The following CLIC4 variants were observed in gnomAD, a reference collection of about 807,000 sequenced individuals.
CLIC4 encodes CLIC family member 4, also known as chloride intracellular channel protein 4.
A neutral mutation model predicts 24.6 loss-of-function variants in CLIC4; 13 were observed. The observed-to-expected ratio is 0.53, with a 90% CI of 0.34 to 0.84. CLIC4 has a LOEUF of 0.84. Among genes scored for constraint, CLIC4 ranks in the 40% least tolerant of loss-of-function variants. The probability of loss-of-function intolerance (pLI) is 0.01; values close to 1 mark genes in which losing one functional copy is unlikely to be tolerated. For missense variants in CLIC4, 227 were observed against 301.7 expected (o/e 0.75, Z 1.83); for synonymous variants, 104 against 111.3 (o/e 0.93, Z 0.41).
At chr1:24,758,026 T>C (rs1056260462) in intron 1 of CLIC4, among the ~76,000 whole-genome samples, 16 of 152,192 alleles carry the variant, frequency 1.1e-4, no homozygotes, top group African/African-American at 3.1e-4. Flanking sequence ...CTCAAAGTGC[T>C]GTGATTACAG....
chr1:24,785,978 G>GCAAC (rs1639263665), intron 1 of CLIC4, among the ~76,000 whole-genome samples: 1 of 151,488 alleles, frequency 6.6e-6, no homozygotes, highest in Non-Finnish European at 1.5e-5. Context: ...CTAAATCAAA[G>GCAAC]CAACCATTTT....
chr1:24,781,792 A>G (rs536956627), intron 1 of CLIC4, among the ~76,000 whole-genome samples: 10 of 151,892 alleles, frequency 6.6e-5, no homozygotes, highest in African/African-American at 2.2e-4. Context: ...CTGGGATTAC[A>G]GGTGCCCGCC....
In CLIC4 at chr1:24,843,688, T is replaced by C. The variant is rs2124183131; in HGVS notation, c.*2751T>C. 6.6e-6 allele frequency: 1 copy of C among 152,616 alleles called. No individual in the cohort carries two copies. The highest frequency in any genetic ancestry group is 1.5e-5 in the Non-Finnish European group (1 of 68,014). The allele number at this position is 152,616 out of a possible 1,614,324, so 9.5% of individuals were successfully genotyped here. A position where few individuals can be genotyped will look rare whatever the true frequency, so the allele number is the denominator to read the frequency against. ...TGGTAATTTTGGCTTTCACAATTTA[T>C]CTTTAAATCCTTGAGCAATCTGTAT... On this transcript the variant is annotated 3_prime_UTR_variant, in exon 6 of 6. Coordinates refer to ENST00000374379, the MANE Select transcript of CLIC4 (RefSeq NM_013943.3).
At chr1:24,825,775 A>G (rs1639781552) in intron 3 of CLIC4, among the ~76,000 whole-genome samples, 1 of 152,240 alleles carries the variant, frequency 6.6e-6, no homozygotes, top group Non-Finnish European at 1.5e-5. Flanking sequence ...ATAAAAGCTG[A>G]AACACAACTT....
At chr1:24,761,368 A>G (rs1638925774) in intron 1 of CLIC4, among the ~76,000 whole-genome samples, 2 of 152,220 alleles carry the variant, frequency 1.3e-5, no homozygotes. Context: ...AGGAAACCCA[A>G]TTTAGATGGA....
chr1:24,811,561 C>T (rs1052725506), intron 2 of CLIC4, among the ~76,000 whole-genome samples: 12 of 151,988 alleles, frequency 7.9e-5, no homozygotes, highest in East Asian at 7.7e-4. Flanking sequence ...CAGCCTCGAC[C>T]GCCTGGGCTC....
rs1296188585 is a variant in CLIC4, at chr1:24,822,580, G to A, written c.309-4430G>A. ...GCCAGGCTGGGACTTCAAGTGATCCGACCTCCTTGGCCTCCCAAAGTGCTG... is the reference window on the plus strand; with the variant it reads ...GCCAGGCTGGGACTTCAAGTGATCCAACCTCCTTGGCCTCCCAAAGTGCTG... On this transcript the variant is annotated intron_variant, in intron 3 of 5. Transcript: ENST00000374379. Among the ~76,000 whole-genome samples the A allele has an allele frequency of 5.3e-5, 8 of 151,984 alleles. No individual in the cohort carries two copies. In the East Asian group the frequency reaches 9.7e-4, roughly 18 times the overall value.
chr1:24,804,017 A>G (rs1411221740), intron 2 of CLIC4, among the ~76,000 whole-genome samples: 2 of 152,208 alleles, frequency 1.3e-5, no homozygotes, highest in South Asian at 2.1e-4. Flanking sequence ...CTGATTCCCA[A>G]ATAGACTCTT....
chr1:24,806,600 C>G (rs1217385038), intron 2 of CLIC4, among the ~76,000 whole-genome samples: 1 of 152,108 alleles, frequency 6.6e-6, no homozygotes, highest in Non-Finnish European at 1.5e-5. Context: ...ATCATATGTC[C>G]TTTAAACTTT....
intron 1 of CLIC4, among the ~76,000 whole-genome samples, chr1:24,756,250 C>T (rs1008861059): frequency 7.9e-5 from 12 of 152,142 alleles, no homozygotes; most frequent in Non-Finnish European, 1.6e-4. Flanking sequence ...CCGCCCGCCT[C>T]GGCCTCCCAA....
intron 2 of CLIC4, among the ~76,000 whole-genome samples, chr1:24,802,391 A>G (rs1639500931): frequency 6.6e-6 from 1 of 152,202 alleles, no homozygotes; most frequent in South Asian, 2.1e-4. Context: ...ATATATATAA[A>G]AAGTGGCGCA....
intron 1 of CLIC4, among the ~76,000 whole-genome samples, chr1:24,766,755 C>G (rs1028563689): frequency 4.0e-5 from 6 of 151,312 alleles, no homozygotes; most frequent in African/African-American, 1.2e-4. Context: ...ATCCGCCCAC[C>G]TTGCCCTCCT....
intron 1 of CLIC4, among the ~76,000 whole-genome samples, chr1:24,768,347 A>G (rs543425217): frequency 6.6e-6 from 1 of 152,296 alleles, no homozygotes; most frequent in Non-Finnish European, 1.5e-5. Flanking sequence ...AACAGGTCAT[A>G]TATTAACTAG....
intron 1 of CLIC4, among the ~76,000 whole-genome samples, chr1:24,762,684 C>G (rs1343214900): frequency 6.6e-6 from 1 of 151,970 alleles, no homozygotes; most frequent in East Asian, 1.9e-4. Context: ...GATTTAACAC[C>G]CTGGAAGTTA....
chr1:24,827,800 G>A lies in CLIC4; in HGVS notation c.415+684G>A, dbSNP rs1318716041. 6.3e-4 allele frequency among the ~76,000 whole-genome samples: 96 copies of A among 152,244 alleles called. 1 individual carries two copies. The highest frequency in any genetic ancestry group is 6.2e-3 in the Admixed American group (95 of 15,282). ...ATTTTATTCACCAAATGAATGTATA[G>A]TGTAGGGAGGTCTCTTTGGAAGAGG... On this transcript the variant is annotated intron_variant, in intron 4 of 5. Coordinates refer to ENST00000374379, the MANE Select transcript of CLIC4 (RefSeq NM_013943.3).
At chr1:24,806,097 T>G (rs574688510) in intron 2 of CLIC4, among the ~76,000 whole-genome samples, 6 of 152,246 alleles carry the variant, frequency 3.9e-5, no homozygotes, top group Non-Finnish European at 7.3e-5. Context: ...TGAGTTTTAA[T>G]CAAGTGTTGA....
intron 2 of CLIC4, among the ~76,000 whole-genome samples, chr1:24,807,345 G>A (rs1639562534): frequency 6.6e-6 from 1 of 151,316 alleles, no homozygotes; most frequent in Non-Finnish European, 1.5e-5. Flanking sequence ...AATAACACTT[G>A]AATATAAAAT....
intron 1 of CLIC4, among the ~76,000 whole-genome samples, chr1:24,768,110 G>A (rs1639025771): frequency 6.6e-6 from 1 of 151,978 alleles, no homozygotes; most frequent in Admixed American, 6.6e-5. Flanking sequence ...CAAAGTGTTG[G>A]GATTACAGGT....
intron 1 of CLIC4, among the ~76,000 whole-genome samples, chr1:24,778,926 CAAAA>C (rs1639173130): frequency 6.6e-6 from 1 of 152,098 alleles, no homozygotes; most frequent in African/African-American, 2.4e-5. Context: ...CAAAAGTACT[CAAAA>C]GAAACTCACG....
Sources: allele counts gnomAD v4.1 joint callset (sites outside exome capture counted in the v4.1 genomes callset), GRCh38; gene constraint gnomAD v4.1.1; transcripts MANE v1.5; gene names NCBI Gene and HGNC (gene_info 2026-07-23, HGNC 2026-07-21).